Variants in PTPRG observed in about 807,000 individuals in gnomAD.
The protein encoded by PTPRG is protein tyrosine phosphatase receptor type G.
In PTPRG, 102 loss-of-function variants were observed where a neutral mutation model predicts 165.3. The ratio of observed to expected loss-of-function variants is 0.62; its 90% CI spans 0.53 to 0.73. PTPRG has a LOEUF of 0.73. Among genes scored for constraint, PTPRG ranks in the 30% least tolerant of loss-of-function variants. PTPRG has a pLI of 0.00. For synonymous variants in PTPRG, 675 were observed against 669.5 expected, an observed-to-expected ratio of 1.01 and a Z score of -0.13; for missense variants, 1,866 against 1,861.4, an observed-to-expected ratio of 1.00 and a Z score of -0.05.
At chr3:61,657,606 T>C (rs1156327002) in intron 1 of PTPRG, among the ~76,000 whole-genome samples, 1 of 152,190 alleles carries the variant, frequency 6.6e-6, no homozygotes, top group Admixed American at 6.5e-5. Context: ...AGCTGAATTA[T>C]TGATGATGCC....
At chr3:61,899,383 G>A (rs1414887627) in intron 2 of PTPRG, among the ~76,000 whole-genome samples, 2 of 152,154 alleles carry the variant, frequency 1.3e-5, no homozygotes, top group Admixed American at 6.6e-5. Flanking sequence ...TAAAAGGAAC[G>A]TAAGGGAAAT....
intron 7 of PTPRG, 109 bp from the exon 8 acceptor site, chr3:62,167,862 T>C: frequency 8.7e-7 from 1 of 1,146,490 alleles, no homozygotes; most frequent in Non-Finnish European, 1.3e-6. Context: ...TCCTACCGTT[T>C]CATGCTCTTA....
chr3:61,661,051 T>C (rs374135113), intron 1 of PTPRG, among the ~76,000 whole-genome samples: 4 of 148,846 alleles, frequency 2.7e-5, no homozygotes, highest in East Asian at 3.9e-4. Context: ...GTTTGGACAC[T>C]TTTTCCCCCC....
intron 1 of PTPRG, among the ~76,000 whole-genome samples, chr3:61,711,586 C>T (rs1312321289): frequency 6.6e-6 from 1 of 152,138 alleles, no homozygotes; most frequent in East Asian, 1.9e-4. Context: ...AGTGTCTGTT[C>T]ATATCCTTCG....
intron 2 of PTPRG, chr3:61,770,785 G>T (rs1288647567): frequency 6.6e-6 from 1 of 152,130 alleles, no homozygotes; most frequent in Non-Finnish European, 1.5e-5. Context: ...ACAATTAAAA[G>T]TTGGGTTTTT....
At chr3:62,276,233 T>G (rs545706873) in intron 24 of PTPRG, among the ~76,000 whole-genome samples, 1 of 152,284 alleles carries the variant, frequency 6.6e-6, no homozygotes, top group East Asian at 1.9e-4. Flanking sequence ...GTTGTCAGTG[T>G]CAGCAAGTGC....
intron 5 of PTPRG, among the ~76,000 whole-genome samples, chr3:62,094,455 A>T (rs539934876): frequency 3.9e-5 from 6 of 152,108 alleles, no homozygotes; most frequent in Non-Finnish European, 8.8e-5. Context: ...TGAAATCTGG[A>T]TGGTGCTATG....
At chr3:62,157,359 C>A in intron 7 of PTPRG, 135 bp downstream of exon 7, 1 of 931,620 alleles carries the variant, frequency 1.1e-6, no homozygotes, top group Non-Finnish European at 1.5e-6. Flanking sequence ...GCAGTCTTTC[C>A]CACAAACATG....
chr3:61,683,542 G>T (rs568977728), intron 1 of PTPRG, among the ~76,000 whole-genome samples: 3 of 152,172 alleles, frequency 2.0e-5, no homozygotes, highest in Non-Finnish European at 4.4e-5. Flanking sequence ...TTACTTGGCC[G>T]TCTCAGGAAC....
intron 2 of PTPRG, among the ~76,000 whole-genome samples, chr3:61,823,606 A>G (rs899542659): frequency 2.0e-5 from 3 of 151,936 alleles, no homozygotes; most frequent in African/African-American, 4.8e-5. Flanking sequence ...TGTTAATGTA[A>G]CAAAAGTGAT....
At chr3:61,939,680 C>T (rs531961541) in intron 2 of PTPRG, among the ~76,000 whole-genome samples, 2 of 152,162 alleles carry the variant, frequency 1.3e-5, no homozygotes, top group South Asian at 4.2e-4. Context: ...TCCAAAAGGT[C>T]CAATAAAATG....
intron 2 of PTPRG, among the ~76,000 whole-genome samples, chr3:61,968,167 C>T (rs940023222): frequency 2.6e-5 from 4 of 152,290 alleles, no homozygotes; most frequent in Admixed American, 1.3e-4. Context: ...TTGGCTAATA[C>T]AATGGTCTGA....
chr3:61,654,503 G>C (rs1444682697), intron 1 of PTPRG, among the ~76,000 whole-genome samples: 1 of 151,880 alleles, frequency 6.6e-6, no homozygotes, highest in Non-Finnish European at 1.5e-5. Context: ...TCATACCTCA[G>C]CCTCCTGAGT....
chr3:62,070,208 A>G (rs951911398), intron 4 of PTPRG, among the ~76,000 whole-genome samples: 4 of 152,240 alleles, frequency 2.6e-5, no homozygotes, highest in African/African-American at 9.6e-5. Flanking sequence ...TGAATTAAAG[A>G]GAAAGTAACA....
At chr3:61,604,362 G>T (rs1249025069) in intron 1 of PTPRG, among the ~76,000 whole-genome samples, 1 of 152,038 alleles carries the variant, frequency 6.6e-6, no homozygotes, top group Admixed American at 6.6e-5. Context: ...AACATATCTT[G>T]TTCTTTGATG....
At chr3:61,865,878 G>C (rs1298899968) in intron 2 of PTPRG, among the ~76,000 whole-genome samples, 2 of 152,210 alleles carry the variant, frequency 1.3e-5, no homozygotes, top group African/African-American at 4.8e-5. Flanking sequence ...AAAATGCTGA[G>C]ATTCAGCAGT....
intron 1 of PTPRG, among the ~76,000 whole-genome samples, chr3:61,676,450 C>G (rs1703223537): frequency 2.7e-4 from 1 of 3,742 alleles, no homozygotes; most frequent in Non-Finnish European, 5.8e-4. Context: ...GAGCCAGACT[C>G]CATCTCAAAA....
At position 61,742,626 on chromosome 3, in the gene PTPRG, C is replaced by A. The variant is rs1028588683; in HGVS notation, c.86-6252C>A. The A allele has an allele frequency of 3.1e-6, 5 of 1,604,364 alleles. No homozygotes were observed. The Admixed American group carries it at 8.3e-5, about 27-fold the overall frequency. On this transcript the variant is annotated intron_variant, in intron 1 of 29. Coordinates refer to ENST00000474889, the MANE Select transcript of PTPRG (RefSeq NM_002841.4). ...CAACAGCTACAGCCAGACATAACAC[C>A]TTCTTCATTTGGAACTTGATTGTGG... is the stretch of plus-strand genomic sequence containing the variant.
intron 1 of PTPRG, among the ~76,000 whole-genome samples, chr3:61,569,622 G>A (rs964767859): frequency 2.0e-5 from 3 of 152,158 alleles, no homozygotes; most frequent in Non-Finnish European, 4.4e-5. Flanking sequence ...CCTGGCCACC[G>A]TTTTTAAGTG....
Sources: gnomAD v4.1 joint callset for allele counts (sites outside exome capture counted in the v4.1 genomes callset) on GRCh38, gnomAD v4.1.1 for gene constraint, MANE v1.5 for transcripts, NCBI Gene and HGNC (gene_info 2026-07-23, HGNC 2026-07-21) for gene names.